NPAS3: variants seen among roughly 807,000 people sequenced by gnomAD.
NPAS3 encodes the protein neuronal PAS domain-containing protein 3.
NPAS3 carries 14 observed loss-of-function variants against 73.1 expected under a neutral mutation model. The observed-to-expected ratio is 0.19, with a 90% CI of 0.13 to 0.30. The LOEUF (loss-of-function observed/expected upper bound fraction) is 0.30, where lower values mean the gene tolerates loss of function less well. Ranked by LOEUF, NPAS3 falls within the 10% of genes least tolerant of loss-of-function variation. NPAS3 has a pLI of 1.00. For synonymous variants in NPAS3, 620 were observed against 541.5 expected (o/e 1.14, Z -2.01); for missense variants, 1,096 against 1,250.0 (o/e 0.88, Z 1.86).
At chr14:33,655,094 G>T (rs2059106739) in intron 5 of NPAS3, among the ~76,000 whole-genome samples, 1 of 152,204 alleles carries the variant, frequency 6.6e-6, no homozygotes, top group South Asian at 2.1e-4. Flanking sequence ...AAGCAGAGTA[G>T]ATAGATCTTT....
intron 4 of NPAS3, among the ~76,000 whole-genome samples, chr14:33,475,575 T>A (rs10134223): frequency 0.061 from 9,292 of 151,362 alleles, 935 homozygotes; most frequent in African/African-American, 0.21. Context: ...AAGCCTAATT[T>A]TATAAACAGA....
intron 10 of NPAS3, among the ~76,000 whole-genome samples, chr14:33,795,890 A>T (rs929682628): frequency 1.3e-5 from 2 of 152,188 alleles, no homozygotes; most frequent in Non-Finnish European, 2.9e-5. Context: ...CCAGTCTTCA[A>T]CCTCAAAAGC....
At chr14:33,392,948 C>CA (rs2047070795) in intron 4 of NPAS3, among the ~76,000 whole-genome samples, 1 of 151,902 alleles carries the variant, frequency 6.6e-6, no homozygotes, top group Non-Finnish European at 1.5e-5. Flanking sequence ...TGAGCAACTA[C>CA]AGGAAATAAT....
At chr14:33,721,339 G>T (rs1054826256) in intron 6 of NPAS3, among the ~76,000 whole-genome samples, 9 of 152,156 alleles carry the variant, frequency 5.9e-5, no homozygotes, top group African/African-American at 2.2e-4. Flanking sequence ...TGAAGGGCAA[G>T]ACATAGCTTT....
At chr14:33,333,544 T>A (rs2044081618) in intron 3 of NPAS3, among the ~76,000 whole-genome samples, 1 of 152,008 alleles carries the variant, frequency 6.6e-6, no homozygotes, top group Non-Finnish European at 1.5e-5. Context: ...ATCCTGAGGT[T>A]GTCTAACAAG....
intron 1 of NPAS3, among the ~76,000 whole-genome samples, chr14:33,009,372 G>A (rs563093282): frequency 1.8e-4 from 28 of 152,292 alleles, no homozygotes; most frequent in African/African-American, 6.0e-4. Context: ...AGAGAATTGT[G>A]TCTTGATTTG....
intron 3 of NPAS3, among the ~76,000 whole-genome samples, chr14:33,314,193 T>C (rs902178130): frequency 6.6e-6 from 1 of 152,052 alleles, no homozygotes; most frequent in African/African-American, 2.4e-5. Flanking sequence ...AAATAAAATA[T>C]TAACTTGGTA....
chr14:33,767,848 C>T (rs530960794), intron 7 of NPAS3, among the ~76,000 whole-genome samples: 50 of 152,196 alleles, frequency 3.3e-4, no homozygotes, highest in Middle Eastern at 3.4e-3. Flanking sequence ...TTATCAAGGT[C>T]TTTGTGATGG....
At chr14:33,070,296 AGTT>A (rs1595375635) in intron 2 of NPAS3, among the ~76,000 whole-genome samples, 1 of 150,044 alleles carries the variant, frequency 6.7e-6, no homozygotes. Context: ...TCTTTCATGT[AGTT>A]GTTGTTTTTT....
At chr14:33,028,950 C>A (rs1366846317) in intron 1 of NPAS3, among the ~76,000 whole-genome samples, 4 of 152,090 alleles carry the variant, frequency 2.6e-5, no homozygotes, top group African/African-American at 9.7e-5. Context: ...GCCCAGTGTG[C>A]ATTAGCTATT....
chr14:33,350,442 G>T (rs938143784), intron 3 of NPAS3, among the ~76,000 whole-genome samples: 1 of 152,166 alleles, frequency 6.6e-6, no homozygotes, highest in African/African-American at 2.4e-5. Flanking sequence ...TTCACACCAT[G>T]GTTTATGCAT....
chr14:33,548,315 T>C lies in NPAS3; in HGVS notation c.469-11806T>C, dbSNP rs568434350. ...ATCAAATGTAGTGAATGGTGGAATA[T>C]ATCCATTTTTAAATTATTTTTGTTC... On this transcript the variant is annotated intron_variant, in intron 4 of 11. Transcript: ENST00000356141. Among the ~76,000 whole-genome samples the C allele has an allele frequency of 3.3e-5, 5 of 152,342 alleles. 1 individual carries two copies. Among genetic ancestry groups the C allele is most frequent in the Middle Eastern group, 3.4e-3 (1 of 294 alleles).
intron 1 of NPAS3, among the ~76,000 whole-genome samples, chr14:33,013,375 T>G (rs2039281222): frequency 6.6e-6 from 1 of 152,202 alleles, no homozygotes; most frequent in South Asian, 2.1e-4. Context: ...TTTGGAATCA[T>G]GTGTTTTGGC....
intron 4 of NPAS3, among the ~76,000 whole-genome samples, chr14:33,416,182 T>C (rs2048137667): frequency 6.6e-6 from 1 of 152,064 alleles, no homozygotes; most frequent in Non-Finnish European, 1.5e-5. Context: ...GCTTAGGCTT[T>C]AGCATGCACA....
chr14:33,549,245 C>T (rs2054993245), intron 4 of NPAS3, among the ~76,000 whole-genome samples: 1 of 152,126 alleles, frequency 6.6e-6, no homozygotes, highest in African/African-American at 2.4e-5. Flanking sequence ...TTTTATTTTA[C>T]TTTTGAGACG....
downstream of NPAS3, chr14:33,801,130 C>T (rs373247030): frequency 2.5e-4 from 387 of 1,556,168 alleles, 1 homozygote; most frequent in African/African-American, 4.9e-3. Flanking sequence ...GTCCTGGGCC[C>T]GGCCAGGCCC....
Position 33,408,007 on chromosome 14 carries a change from C to G in NPAS3, c.468+40739C>G, listed in dbSNP as rs570085172. The stretch of plus-strand genomic sequence containing the variant: ...TGACTCAGCCAAATAAATGAATTTT[C>G]GAACATTGATTTTTGATTAAAGTTG... On this transcript the variant is annotated intron_variant, in intron 4 of 11. Coordinates refer to ENST00000356141, the Ensembl canonical transcript of NPAS3. Among the ~76,000 whole-genome samples, 402 of 152,172 alleles carry G rather than the reference C, an allele frequency of 2.6e-3. 1 individual carries two copies. Among genetic ancestry groups the G allele is most frequent in the African/African-American group, 9.4e-3 (391 of 41,544 alleles).
chr14:33,039,848 A>G (rs1015816435), intron 1 of NPAS3, among the ~76,000 whole-genome samples: 5 of 152,180 alleles, frequency 3.3e-5, no homozygotes, highest in Non-Finnish European at 7.4e-5. Flanking sequence ...CTTTAAATTA[A>G]TCTGGCTAAC....
chr14:33,784,397 G>T (rs2063078008), intron 9 of NPAS3, among the ~76,000 whole-genome samples: 1 of 152,202 alleles, frequency 6.6e-6, no homozygotes, highest in African/African-American at 2.4e-5. Context: ...ATGAAATGAG[G>T]TCTGTTAAGA....
Sources: allele counts gnomAD v4.1 joint callset (sites outside exome capture counted in the v4.1 genomes callset), GRCh38; gene constraint gnomAD v4.1.1; transcripts MANE v1.5; gene names NCBI Gene and HGNC (gene_info 2026-07-23, HGNC 2026-07-21).